The following KCNT2 variants were observed in gnomAD, a reference collection of about 807,000 sequenced individuals.
KCNT2 encodes the protein potassium channel subfamily T member 2.
Under a neutral mutation model 153.8 loss-of-function variants are expected in KCNT2, and 67 were observed. That is an observed-to-expected ratio of 0.44 (90% CI 0.36 to 0.53). KCNT2 has a LOEUF of 0.53. Among genes scored for constraint, KCNT2 ranks in the 20% least tolerant of loss-of-function variants. KCNT2 has a pLI of 0.00. For synonymous variants in KCNT2, 500 were observed against 458.8 expected (o/e 1.09, Z -1.15); for missense variants, 975 against 1,354.8 (o/e 0.72, Z 4.40).
intron 5 of KCNT2, among the ~76,000 whole-genome samples, chr1:196,471,462 T>C (rs2148675420): frequency 6.6e-6 from 1 of 152,302 alleles, no homozygotes; most frequent in East Asian, 1.9e-4. Flanking sequence ...TTTCATCAGT[T>C]TTTACACGGC....
rs1466178323 is a variant in KCNT2, at chr1:196,227,240, T to A, written c.*984A>T. The A allele has an allele frequency of 2.0e-5, 3 of 152,044 alleles. No homozygotes were observed. Among genetic ancestry groups the A allele is most frequent in the Non-Finnish European group, 4.4e-5 (3 of 67,902 alleles). The allele number at this position is 152,044 out of a possible 1,614,324, so 9.4% of individuals were successfully genotyped here. On this transcript the variant is annotated 3_prime_UTR_variant, in exon 28 of 28. Coordinates refer to ENST00000294725, the MANE Select transcript of KCNT2 (RefSeq NM_198503.5). ...ACCAAAGACATAAGGACTTTTAATG[T>A]TTTGAAGTGTCTTCAGAGTCCATAA...
In KCNT2 at chr1:196,428,419, T is replaced by C. The variant is rs1228780311; in HGVS notation, c.820-150A>G. ...TCAGTATTCCCCTTCAACGACAGAC[T>C]TTTCATATAATTTCTACAGAGGCTG... On this transcript the variant is annotated intron_variant, in intron 9 of 27. Coordinates refer to ENST00000294725, the MANE Select transcript of KCNT2 (RefSeq NM_198503.5). 4.9e-6 allele frequency: 3 copies of C among 617,178 alleles called. No homozygotes were observed. The African/African-American group carries it at 5.5e-5, about 11-fold the overall frequency. The allele number at this position is 617,178 out of a possible 1,614,324, so 38.2% of individuals were successfully genotyped here. A position where few individuals can be genotyped will look rare whatever the true frequency, so the allele number is the denominator to read the frequency against.
chr1:196,254,926 G>T (rs1347872230), intron 26 of KCNT2, among the ~76,000 whole-genome samples: 1 of 151,472 alleles, frequency 6.6e-6, no homozygotes, highest in Non-Finnish European at 1.5e-5. Flanking sequence ...TTATTTAAAA[G>T]GATTTCTTTT....
At chr1:196,452,784 G>A (rs1676336281) in intron 8 of KCNT2, among the ~76,000 whole-genome samples, 1 of 151,948 alleles carries the variant, frequency 6.6e-6, no homozygotes. Flanking sequence ...GAGACCCAGG[G>A]AAAGCCAGTG....
chr1:196,370,460 T>C (rs1242951061), intron 14 of KCNT2, among the ~76,000 whole-genome samples: 1 of 152,078 alleles, frequency 6.6e-6, no homozygotes, highest in African/African-American at 2.4e-5. Flanking sequence ...TTGTAAGAGT[T>C]TTAATCAGCC....
intron 26 of KCNT2, among the ~76,000 whole-genome samples, chr1:196,248,918 T>C (rs150188512): frequency 7.9e-5 from 12 of 152,212 alleles, no homozygotes; most frequent in African/African-American, 2.9e-4. Context: ...CAGCACAGTA[T>C]TAACAGACTG....
intron 1 of KCNT2, among the ~76,000 whole-genome samples, chr1:196,515,771 C>T (rs1391119793): frequency 1.3e-5 from 2 of 152,076 alleles, no homozygotes; most frequent in African/African-American, 4.8e-5. Flanking sequence ...AACAACTCAA[C>T]CCAAGGAGAT....
intron 18 of KCNT2, among the ~76,000 whole-genome samples, chr1:196,330,318 C>T (rs896629475): frequency 2.0e-5 from 3 of 151,450 alleles, no homozygotes; most frequent in Admixed American, 2.0e-4. Flanking sequence ...TTATATAATC[C>T]CTGTAAGAGC....
At chr1:196,331,077 G>T in intron 18 of KCNT2, 79 bp downstream of exon 18, 1 of 799,004 alleles carries the variant, frequency 1.3e-6, no homozygotes, top group Non-Finnish European at 2.2e-6. Context: ...TCAAAATGCT[G>T]TACAAATTAC....
chr1:196,503,406 C>A (rs142753625), intron 1 of KCNT2, among the ~76,000 whole-genome samples: 53 of 152,290 alleles, frequency 3.5e-4, no homozygotes, highest in African/African-American at 1.3e-3. Flanking sequence ...CAGGCACCTG[C>A]AACCCCACCA....
chr1:196,600,028 G>T (rs1326689313), intron 1 of KCNT2, among the ~76,000 whole-genome samples: 1 of 152,062 alleles, frequency 6.6e-6, no homozygotes, highest in African/African-American at 2.4e-5. Context: ...TATATGCAAT[G>T]GTTCCTCCTT....
chr1:196,512,139 C>G (rs747440168), intron 1 of KCNT2, among the ~76,000 whole-genome samples: 2 of 152,106 alleles, frequency 1.3e-5, no homozygotes, highest in Non-Finnish European at 2.9e-5. Flanking sequence ...ATCATTTCAT[C>G]ATGTTTGAAT....
At chr1:196,462,587 G>A (rs556948119) in intron 8 of KCNT2, among the ~76,000 whole-genome samples, 2 of 151,350 alleles carry the variant, frequency 1.3e-5, no homozygotes, top group Non-Finnish European at 3.0e-5. Flanking sequence ...TATAAAGAAG[G>A]CATTTGAAAT....
chr1:196,387,001 T>G (rs1204957348), intron 13 of KCNT2, among the ~76,000 whole-genome samples: 7 of 152,118 alleles, frequency 4.6e-5, no homozygotes, highest in African/African-American at 1.7e-4. Context: ...TAAACATAAC[T>G]TATAGTTATA....
intron 26 of KCNT2, chr1:196,257,413 C>T (rs1656609667): frequency 1.0e-6 from 1 of 972,164 alleles, no homozygotes; most frequent in South Asian, 4.8e-5. Context: ...CTATTTGATT[C>T]TTAACTTGCA....
intron 1 of KCNT2, among the ~76,000 whole-genome samples, chr1:196,519,418 T>A (rs1653046333): frequency 6.6e-6 from 1 of 151,854 alleles, no homozygotes; most frequent in Non-Finnish European, 1.5e-5. Flanking sequence ...AACCCAAAGC[T>A]AGCAGAAGAC....
chr1:196,594,890 A>C (rs542183138), intron 1 of KCNT2, among the ~76,000 whole-genome samples: 1 of 152,292 alleles, frequency 6.6e-6, no homozygotes, highest in African/African-American at 2.4e-5. Context: ...CCAATTAATA[A>C]AGAGCTTTGA....
chr1:196,239,133 T>C (rs1295646268), intron 26 of KCNT2, among the ~76,000 whole-genome samples: 1 of 151,916 alleles, frequency 6.6e-6, no homozygotes, highest in Non-Finnish European at 1.5e-5. Flanking sequence ...ATTTGGTAAA[T>C]TAGCTTCATG....
intron 8 of KCNT2, among the ~76,000 whole-genome samples, chr1:196,455,080 A>G (rs1676543561): frequency 6.6e-6 from 1 of 151,918 alleles, no homozygotes; most frequent in Non-Finnish European, 1.5e-5. Flanking sequence ...AAAGCTGGAA[A>G]TGGCTGGTCC....
Sources: gnomAD v4.1 joint callset for allele counts (sites outside exome capture counted in the v4.1 genomes callset) on GRCh38, gnomAD v4.1.1 for gene constraint, MANE v1.5 for transcripts, NCBI Gene and HGNC (gene_info 2026-07-23, HGNC 2026-07-21) for gene names.